The following DLGAP2 variants were observed in gnomAD, a reference collection of about 807,000 sequenced individuals.
DLGAP2 encodes DLG associated protein 2.
A neutral mutation model predicts 100.3 loss-of-function variants in DLGAP2; 26 were observed. The ratio of observed to expected loss-of-function variants is 0.26; its 90% CI spans 0.19 to 0.36. DLGAP2 has a LOEUF of 0.36. DLGAP2 is among the 10% of genes least tolerant of loss of function. The pLI, the probability that DLGAP2 is intolerant of heterozygous loss-of-function variation, is 1.00. For missense variants in DLGAP2, 1,858 were observed against 1,453.2 expected, an observed-to-expected ratio of 1.28 and a Z score of -4.53; for synonymous variants, 886 against 630.1, an observed-to-expected ratio of 1.41 and a Z score of -6.08.
At chr8:1,095,199 C>G (rs2129042372) in intron 2 of DLGAP2, among the ~76,000 whole-genome samples, 1 of 152,322 alleles carries the variant, frequency 6.6e-6, no homozygotes, top group Middle Eastern at 3.4e-3. Flanking sequence ...CTTTACTTGT[C>G]ATTTTTAAAT....
At chr8:1,318,414 A>G (rs1202282966) in intron 3 of DLGAP2, among the ~76,000 whole-genome samples, 2 of 150,236 alleles carry the variant, frequency 1.3e-5, no homozygotes, top group Non-Finnish European at 3.0e-5. Context: ...TATCTAGTTC[A>G]CCCAGATTGT....
At chr8:1,195,610 C>T (rs560382364) in intron 2 of DLGAP2, among the ~76,000 whole-genome samples, 24 of 152,288 alleles carry the variant, frequency 1.6e-4, no homozygotes, top group African/African-American at 5.5e-4. Flanking sequence ...ACATCTAATT[C>T]TTATGTAAAA....
chr8:1,152,432 G>T (rs1796712709), intron 2 of DLGAP2, among the ~76,000 whole-genome samples: 1 of 152,204 alleles, frequency 6.6e-6, no homozygotes. Flanking sequence ...ATGAAATAGA[G>T]TCTCTGGAGC....
At chr8:1,166,087 C>A (rs1192231940) in intron 2 of DLGAP2, among the ~76,000 whole-genome samples, 1 of 152,318 alleles carries the variant, frequency 6.6e-6, no homozygotes, top group East Asian at 1.9e-4. Flanking sequence ...GAGGCTCTTG[C>A]CCTCTCTCAG....
intron 3 of DLGAP2, among the ~76,000 whole-genome samples, chr8:1,461,647 C>T (rs1312915719): frequency 7.4e-4 from 23 of 31,130 alleles, no homozygotes; most frequent in East Asian, 4.2e-3. Context: ...GGGAGAAGGG[C>T]GGCATTTGGG....
At chr8:1,280,242 G>T (rs2116947024) in intron 3 of DLGAP2, among the ~76,000 whole-genome samples, 1 of 152,220 alleles carries the variant, frequency 6.6e-6, no homozygotes, top group East Asian at 1.9e-4. Context: ...AATCTCATGA[G>T]TCCTGCTACT....
chr8:1,064,002 G>A (rs1484225266), intron 2 of DLGAP2, among the ~76,000 whole-genome samples: 1 of 152,174 alleles, frequency 6.6e-6, no homozygotes, highest in African/African-American at 2.4e-5. Context: ...TTATACGCAG[G>A]ATGACATGGT....
intron 3 of DLGAP2, among the ~76,000 whole-genome samples, chr8:1,344,429 G>C (rs1183306141): frequency 6.6e-6 from 1 of 152,168 alleles, no homozygotes; most frequent in African/African-American, 2.4e-5. Context: ...CTCCAGATTA[G>C]GTGGCCATGT....
chr8:837,893 G>GT lies in DLGAP2; in HGVS notation c.19-70006dup, dbSNP rs972429747. On this transcript the variant is annotated intron_variant, in intron 1 of 14. Coordinates refer to ENST00000637795, the MANE Select transcript of DLGAP2 (RefSeq NM_001346810.2). The stretch of plus-strand genomic sequence containing the variant: ...CACCACGCCCGGCTAGTTGTTTTTT[G>GT]TTTTTTTTTTTTTCTTTTTTAAGTA... Among the ~76,000 whole-genome samples, 143 of 113,374 alleles carry GT rather than the reference G, an allele frequency of 1.3e-3. 2 individuals carry two copies. The highest frequency in any genetic ancestry group is 3.9e-3 in the African/African-American group (128 of 32,582). The allele number at this position is 113,374 out of a possible 152,430, so 74.4% of individuals were successfully genotyped here.
chr8:1,240,280 G>C (rs755352576), intron 2 of DLGAP2, among the ~76,000 whole-genome samples: 65 of 37,928 alleles, frequency 1.7e-3, no homozygotes, highest in Middle Eastern at 0.042. Flanking sequence ...GTCTAGTTCT[G>C]TTACATGGCG....
chr8:1,651,818 A>T (rs990961473), intron 8 of DLGAP2, among the ~76,000 whole-genome samples: 3 of 151,524 alleles, frequency 2.0e-5, no homozygotes, highest in Admixed American at 2.0e-4. Context: ...TTGAAAAGTT[A>T]AAAAAAAACG....
chr8:1,656,774 G>GATTA (rs992667071), intron 8 of DLGAP2, among the ~76,000 whole-genome samples: 11 of 152,182 alleles, frequency 7.2e-5, no homozygotes, highest in African/African-American at 2.4e-4. Context: ...TAAGTAGTGT[G>GATTA]ATTAACCTTT....
In DLGAP2 at chr8:1,702,150, A is replaced by G. The variant is rs2130895936; in HGVS notation, c.*744A>G. ...GTTCCCACCAGGAAGTCACGCGCAGAGAGGAGAGTCTTACGGAGGGCTGGG... is the reference window on the plus strand; with the variant it reads ...GTTCCCACCAGGAAGTCACGCGCAGGGAGGAGAGTCTTACGGAGGGCTGGG... On this transcript the variant is annotated 3_prime_UTR_variant, in exon 15 of 15. Transcript: ENST00000637795. 6.6e-6 allele frequency: 1 copy of G among 152,360 alleles called. No homozygotes were observed. Among genetic ancestry groups the G allele is most frequent in the Admixed American group, 6.5e-5 (1 of 15,310 alleles). 9.4% of individuals were successfully genotyped at this position (152,360 alleles called of 1,614,324 possible). A position where few individuals can be genotyped will look rare whatever the true frequency, so the allele number is the denominator to read the frequency against.
intron 6 of DLGAP2, chr8:1,621,970 A>T (rs1797354201): frequency 6.6e-6 from 1 of 152,244 alleles, no homozygotes; most frequent in Non-Finnish European, 1.5e-5. Flanking sequence ...CAGAAAGCTC[A>T]AGAACACTTT....
intron 1 of DLGAP2, among the ~76,000 whole-genome samples, chr8:878,416 G>T (rs1797724297): frequency 6.6e-6 from 1 of 152,198 alleles, no homozygotes; most frequent in Admixed American, 6.5e-5. Flanking sequence ...TTGTGAAGGT[G>T]GTGGTGGGGT....
chr8:1,588,976 C>G (rs1796211219), intron 6 of DLGAP2, among the ~76,000 whole-genome samples: 1 of 152,128 alleles, frequency 6.6e-6, no homozygotes, highest in Admixed American at 6.6e-5. Context: ...GCATTAATCT[C>G]TTGTAAAACA....
chr8:965,955 A>G (rs1045755305), intron 2 of DLGAP2, among the ~76,000 whole-genome samples: 2 of 152,218 alleles, frequency 1.3e-5, no homozygotes, highest in Admixed American at 6.5e-5. Context: ...TGAGTCTGCA[A>G]GCAGCCAGGT....
chr8:1,464,022 G>A (rs1212040705), intron 3 of DLGAP2, among the ~76,000 whole-genome samples: 1 of 152,174 alleles, frequency 6.6e-6, no homozygotes, highest in African/African-American at 2.4e-5. Flanking sequence ...AAAGTATCAT[G>A]GGAAAAAAAG....
intron 4 of DLGAP2, among the ~76,000 whole-genome samples, chr8:1,512,584 G>A (rs28412344): frequency 0.49 from 73,952 of 151,700 alleles, 18,476 homozygotes; most frequent in South Asian, 0.71. Flanking sequence ...GCAGCCTGCC[G>A]CAGCAGCGAA....
Sources: allele counts gnomAD v4.1 joint callset (sites outside exome capture counted in the v4.1 genomes callset), GRCh38; gene constraint gnomAD v4.1.1; transcripts MANE v1.5; gene names NCBI Gene and HGNC (gene_info 2026-07-23, HGNC 2026-07-21).